Variants in ERC2 observed in about 807,000 individuals in gnomAD.
The protein encoded by ERC2 is ELKS/RAB6-interacting/CAST family member 2.
ERC2 carries 42 observed loss-of-function variants against 114.8 expected under a neutral mutation model. The observed-to-expected ratio is 0.37, with a 90% CI of 0.29 to 0.47. The LOEUF (loss-of-function observed/expected upper bound fraction) is 0.47, where lower values mean the gene tolerates loss of function less well. Ranked by LOEUF, ERC2 falls within the 20% of genes least tolerant of loss-of-function variation. The pLI, the probability that ERC2 is intolerant of heterozygous loss-of-function variation, is 0.99. For missense variants in ERC2, 939 were observed against 1,150.7 expected (o/e 0.82, Z 2.66); for synonymous variants, 454 against 425.5 (o/e 1.07, Z -0.82).
chr3:56,182,231 C>T (rs541337004), intron 3 of ERC2, among the ~76,000 whole-genome samples: 54 of 152,284 alleles, frequency 3.5e-4, no homozygotes, highest in African/African-American at 1.2e-3. Context: ...CAATTTTACA[C>T]TAATTTATAA....
intron 7 of ERC2, among the ~76,000 whole-genome samples, chr3:56,031,116 C>T (rs1275511247): frequency 1.3e-5 from 2 of 152,282 alleles, no homozygotes; most frequent in East Asian, 3.9e-4. Flanking sequence ...CAAGACCAGG[C>T]ACATAGCCAT....
intron 17 of ERC2, among the ~76,000 whole-genome samples, chr3:55,559,969 TGGAGCAAGGTG>T (rs2055892209): frequency 6.6e-6 from 1 of 152,174 alleles, no homozygotes; most frequent in South Asian, 2.1e-4. Flanking sequence ...TCCCTACCCT[TGGAGCAAGGTG>T]GGAGCAAGGA....
At chr3:56,330,413 A>G (rs1207461804) in intron 2 of ERC2, among the ~76,000 whole-genome samples, 1 of 152,198 alleles carries the variant, frequency 6.6e-6, no homozygotes, top group Non-Finnish European at 1.5e-5. Flanking sequence ...TATTTTGCAG[A>G]TAAGTAACTA....
intron 14 of ERC2, among the ~76,000 whole-genome samples, chr3:55,851,953 C>T (rs1054598746): frequency 8.5e-5 from 13 of 152,158 alleles, no homozygotes; most frequent in Non-Finnish European, 1.5e-4. Flanking sequence ...CCGGGTACAG[C>T]GGCTCACGCC....
At chr3:56,300,535 G>A (rs562031597) in intron 2 of ERC2, among the ~76,000 whole-genome samples, 1 of 152,252 alleles carries the variant, frequency 6.6e-6, no homozygotes, top group South Asian at 2.1e-4. Flanking sequence ...ATGATGGAAA[G>A]AGAAGAGAAA....
chr3:55,818,089 G>A (rs1035259048), intron 14 of ERC2, among the ~76,000 whole-genome samples: 1 of 152,192 alleles, frequency 6.6e-6, no homozygotes, highest in African/African-American at 2.4e-5. Flanking sequence ...CGATGGGACT[G>A]TCAAGTGAAA....
intron 17 of ERC2, among the ~76,000 whole-genome samples, chr3:55,569,734 T>G (rs2056592766): frequency 1.3e-5 from 2 of 152,210 alleles, no homozygotes; most frequent in African/African-American, 4.8e-5. Context: ...ATTTCACTAC[T>G]CATCTTTTTA....
intron 5 of ERC2, among the ~76,000 whole-genome samples, chr3:56,147,769 T>C (rs942741845): frequency 2.0e-5 from 3 of 152,186 alleles, no homozygotes; most frequent in Non-Finnish European, 2.9e-5. Flanking sequence ...GGTGTACTTA[T>C]TATTTTCAGA....
At chr3:56,116,186 C>T (rs1006677203) in intron 6 of ERC2, among the ~76,000 whole-genome samples, 10 of 152,138 alleles carry the variant, frequency 6.6e-5, no homozygotes, top group African/African-American at 2.2e-4. Context: ...GTTGACCTCA[C>T]CATATCTGAA....
chr3:56,316,842 A>G (rs2056887689), intron 2 of ERC2, among the ~76,000 whole-genome samples: 1 of 152,190 alleles, frequency 6.6e-6, no homozygotes, highest in Non-Finnish European at 1.5e-5. Flanking sequence ...TATACTCCCT[A>G]TCTATCAGCC....
chr3:56,444,514 T>A (rs1302449903), intron 1 of ERC2, among the ~76,000 whole-genome samples: 1 of 152,172 alleles, frequency 6.6e-6, no homozygotes. Flanking sequence ...TATGAACCTA[T>A]AAGAATGCTT....
intron 3 of ERC2, among the ~76,000 whole-genome samples, chr3:56,233,392 G>A (rs1349013616): frequency 4.6e-5 from 7 of 152,132 alleles, no homozygotes; most frequent in Admixed American, 2.0e-4. Flanking sequence ...AGGCCAAGGC[G>A]GGCAGATCAC....
chr3:55,957,864 G>A (rs1247516047), intron 12 of ERC2, among the ~76,000 whole-genome samples: 2 of 152,218 alleles, frequency 1.3e-5, no homozygotes, highest in African/African-American at 4.8e-5. Flanking sequence ...GTACCACAGA[G>A]CCTCAGAGAG....
At chr3:55,881,046 C>T (rs2149304831) in intron 14 of ERC2, among the ~76,000 whole-genome samples, 1 of 152,294 alleles carries the variant, frequency 6.6e-6, no homozygotes, top group South Asian at 2.1e-4. Flanking sequence ...AAACTCTTCT[C>T]CCAAACTCCA....
chr3:55,860,166 A>C (rs2061969105), intron 14 of ERC2, among the ~76,000 whole-genome samples: 1 of 152,154 alleles, frequency 6.6e-6, no homozygotes, highest in African/African-American at 2.4e-5. Flanking sequence ...TTGTTAATGT[A>C]ACAAAAGAGG....
chr3:56,411,574 T>A (rs2060941891), intron 2 of ERC2, among the ~76,000 whole-genome samples: 1 of 152,150 alleles, frequency 6.6e-6, no homozygotes, highest in South Asian at 2.1e-4. Flanking sequence ...TGCATAAACT[T>A]CACTTCTAAA....
intron 17 of ERC2, among the ~76,000 whole-genome samples, chr3:55,588,436 T>A (rs554212526): frequency 1.3e-4 from 20 of 152,260 alleles, no homozygotes; most frequent in Admixed American, 1.2e-3. Context: ...AAAGACAACT[T>A]TCCACTTAGG....
chr3:55,747,667 G>A (rs4955873), intron 14 of ERC2, among the ~76,000 whole-genome samples: 27,342 of 152,218 alleles, frequency 0.18, 2,739 homozygotes, highest in Admixed American at 0.29. Flanking sequence ...CAACAGAACA[G>A]AAAGCAAATA....
intron 12 of ERC2, among the ~76,000 whole-genome samples, chr3:55,972,298 T>C (rs1415953684): frequency 1.3e-5 from 2 of 152,260 alleles, no homozygotes; most frequent in African/African-American, 4.8e-5. Flanking sequence ...CTGGGATACA[T>C]GTGCAGAACG....
Sources: gnomAD v4.1 joint callset for allele counts (sites outside exome capture counted in the v4.1 genomes callset) on GRCh38, gnomAD v4.1.1 for gene constraint, MANE v1.5 for transcripts, NCBI Gene and HGNC (gene_info 2026-07-23, HGNC 2026-07-21) for gene names.